Variants in FBN2 observed in about 807,000 individuals in gnomAD.
The protein encoded by FBN2 is fibrillin 2.
FBN2 carries 105 observed loss-of-function variants against 355.6 expected under a neutral mutation model. The observed-to-expected ratio is 0.30, with a 90% CI of 0.25 to 0.35. The LOEUF (loss-of-function observed/expected upper bound fraction) is 0.35, where lower values mean the gene tolerates loss of function less well. Among genes scored for constraint, FBN2 ranks in the 10% least tolerant of loss-of-function variants. FBN2 has a pLI of 1.00. For synonymous variants in FBN2, 1,350 were observed against 1,301.2 expected (o/e 1.04, Z -0.81); for missense variants, 3,280 against 3,758.7 (o/e 0.87, Z 3.33).
chr5:128,467,582 T>C (rs796562651), intron 5 of FBN2, among the ~76,000 whole-genome samples: 2 of 152,284 alleles, frequency 1.3e-5, no homozygotes, highest in African/African-American at 4.8e-5. Context: ...TAATTGTGAT[T>C]GGCCATGCAT....
intron 45 of FBN2, among the ~76,000 whole-genome samples, chr5:128,304,627 G>A (rs1322524038): frequency 7.9e-5 from 12 of 152,246 alleles, no homozygotes; most frequent in Admixed American, 5.2e-4. Flanking sequence ...AAAGGGCAGC[G>A]GGTGCTATGG....
At chr5:128,337,175 C>T (rs1234110428) in intron 27 of FBN2, among the ~76,000 whole-genome samples, 1 of 152,096 alleles carries the variant, frequency 6.6e-6, no homozygotes, top group South Asian at 2.1e-4. Context: ...AACATAAAAA[C>T]CTTTTCATTT....
intron 14 of FBN2, among the ~76,000 whole-genome samples, chr5:128,375,989 T>C (rs1244645860): frequency 6.6e-6 from 1 of 152,040 alleles, no homozygotes; most frequent in Non-Finnish European, 1.5e-5. Context: ...TGAGCTGAGA[T>C]TGTGCCACTA....
rs1302737449 is a variant in FBN2, at chr5:128,288,548, T to G, written c.6647A>C (p.Glu2216Ala). The part of the protein sequence containing the change: ...YTGVRCVDTD[E>A]CSIGNPCGNG... The stretch of plus-strand genomic sequence containing the variant: ...TCCACACGGATTGCCGATTGAACAC[T>G]CATCAGTATCTGAAAAAGAAGAATA... Residue 2216 changes from glutamate (E) to alanine (A), a missense_variant, in exon 53 of 65, where the codon GAG becomes GCG. This residue lies in a region of FBN2 where 2,284 missense variants were observed against 2,749.5 expected (regional missense o/e 0.83). Transcript: ENST00000262464. 2 of 1,613,736 alleles carry G rather than the reference T, an allele frequency of 1.2e-6. No homozygotes were observed. The highest frequency in any genetic ancestry group is 1.7e-6 in the Non-Finnish European group (2 of 1,179,938).
At chr5:128,328,625 C>T (rs1173082377) in intron 34 of FBN2, 71 bp downstream of exon 34, 6 of 1,546,192 alleles carry the variant, frequency 3.9e-6, no homozygotes, top group Non-Finnish European at 5.3e-6. Context: ...GAGCTTGTTC[C>T]AGCCCTTGTT....
intron 23 of FBN2, 71 bp from the exon 24 acceptor site, chr5:128,345,655 C>T: frequency 1.5e-6 from 2 of 1,372,484 alleles, no homozygotes; most frequent in Non-Finnish European, 2.1e-6. Context: ...TGTCAAGCGT[C>T]TGCTCAGCAC....
intron 11 of FBN2, among the ~76,000 whole-genome samples, chr5:128,379,282 T>C (rs2126960721): frequency 6.6e-6 from 1 of 152,288 alleles, no homozygotes; most frequent in East Asian, 1.9e-4. Flanking sequence ...GAAAGGATTC[T>C]GAAGATATAT....
At chr5:128,518,810 C>T (rs1462023145) in intron 5 of FBN2, among the ~76,000 whole-genome samples, 1 of 152,132 alleles carries the variant, frequency 6.6e-6, no homozygotes, top group Non-Finnish European at 1.5e-5. Context: ...GGGTAAAAGC[C>T]TTGATCACAT....
intron 5 of FBN2, among the ~76,000 whole-genome samples, chr5:128,476,193 A>G (rs1189565531): frequency 1.3e-5 from 2 of 152,218 alleles, no homozygotes; most frequent in Non-Finnish European, 2.9e-5. Context: ...TAACTGAAGT[A>G]TAATTGATTA....
intron 5 of FBN2, among the ~76,000 whole-genome samples, chr5:128,470,121 G>A (rs1754816698): frequency 6.6e-6 from 1 of 152,176 alleles, no homozygotes; most frequent in African/African-American, 2.4e-5. Context: ...AGTCTGCTGA[G>A]GAAACAGGAA....
At chr5:128,385,129 G>A (rs1222483206) in intron 11 of FBN2, among the ~76,000 whole-genome samples, 1 of 151,978 alleles carries the variant, frequency 6.6e-6, no homozygotes, top group African/African-American at 2.4e-5. Context: ...CATGTCACAG[G>A]GGTTTGTTGT....
intron 5 of FBN2, among the ~76,000 whole-genome samples, chr5:128,518,882 C>T (rs578005168): frequency 2.6e-5 from 4 of 152,248 alleles, no homozygotes; most frequent in African/African-American, 9.6e-5. Context: ...TTCCTTATTG[C>T]TTAGGACAAT....
Position 128,304,253 on chromosome 5 carries a change from G to C in FBN2, c.5800+704C>G, listed in dbSNP as rs1749802096. Among the ~76,000 whole-genome samples, 4 of 152,316 alleles carry C rather than the reference G, an allele frequency of 2.6e-5. No homozygotes were observed. The South Asian group carries it at 6.2e-4, about 24-fold the overall frequency. ...CAAAGCACAGAAAGAAAACTCTTCA[G>C]CAGAGGCAGAGCCAACTGCTGACAT... is the stretch of plus-strand genomic sequence containing the variant. On this transcript the variant is annotated intron_variant, in intron 45 of 64. Coordinates refer to ENST00000262464, the MANE Select transcript of FBN2 (RefSeq NM_001999.4).
At chr5:128,367,677 T>C (rs1187782655) in intron 16 of FBN2, among the ~76,000 whole-genome samples, 1 of 152,062 alleles carries the variant, frequency 6.6e-6, no homozygotes, top group Non-Finnish European at 1.5e-5. Flanking sequence ...CAATAATTAT[T>C]ATTTAATCTT....
intron 55 of FBN2, among the ~76,000 whole-genome samples, chr5:128,280,927 T>C (rs929291801): frequency 6.6e-6 from 1 of 152,208 alleles, no homozygotes; most frequent in African/African-American, 2.4e-5. Context: ...TGTGCTTTTT[T>C]GATATTTTGT....
intron 36 of FBN2, among the ~76,000 whole-genome samples, chr5:128,314,741 T>C: frequency 6.6e-6 from 1 of 152,256 alleles, no homozygotes; most frequent in East Asian, 1.9e-4. Flanking sequence ...ATGTATTTAA[T>C]GCTATTACTT....
chr5:128,306,313 T>C (rs1749875626), intron 42 of FBN2, among the ~76,000 whole-genome samples: 2 of 152,176 alleles, frequency 1.3e-5, no homozygotes, highest in South Asian at 2.1e-4. Context: ...ATATTCATAA[T>C]GGAGACTTAA....
intron 19 of FBN2, 62 bp downstream of exon 19, chr5:128,361,661 T>C (rs775818351): frequency 9.4e-5 from 147 of 1,572,178 alleles, no homozygotes; most frequent in Non-Finnish European, 1.2e-4. Flanking sequence ...TCACTGTAAT[T>C]GATGTTTATA....
chr5:128,512,343 C>T (rs559999157), intron 5 of FBN2, among the ~76,000 whole-genome samples: 1 of 152,076 alleles, frequency 6.6e-6, no homozygotes, highest in South Asian at 2.1e-4. Context: ...AAAACCCCAT[C>T]TCTATTAAAA....
Sources: gnomAD v4.1 joint callset for allele counts (sites outside exome capture counted in the v4.1 genomes callset) on GRCh38, gnomAD v4.1.1 for gene constraint, gnomAD v4.1.1 regional missense constraint, MANE v1.5 for transcripts, NCBI Gene and HGNC (gene_info 2026-07-23, HGNC 2026-07-21) for gene names.